The following PTCHD4 variants were observed in gnomAD, a reference collection of about 807,000 sequenced individuals.
The protein encoded by PTCHD4 is patched domain containing 4, also known as patched domain-containing protein 4.
PTCHD4 carries 33 observed loss-of-function variants against 58.1 expected under a neutral mutation model. That is an observed-to-expected ratio of 0.57 (90% CI 0.43 to 0.76). The LOEUF (loss-of-function observed/expected upper bound fraction) is 0.76. Among genes scored for constraint, PTCHD4 ranks in the 30% least tolerant of loss-of-function variants. The probability of loss-of-function intolerance (pLI) is 0.00; values close to 1 mark genes in which losing one functional copy is unlikely to be tolerated. For synonymous variants in PTCHD4, 478 were observed against 409.6 expected (o/e 1.17, Z -2.02); for missense variants, 1,058 against 1,027.1 (o/e 1.03, Z -0.41).
At chr6:48,004,903 C>G (rs868811779) in intron 4 of PTCHD4, among the ~76,000 whole-genome samples, 1 of 151,746 alleles carries the variant, frequency 6.6e-6, no homozygotes, top group Non-Finnish European at 1.5e-5. Flanking sequence ...GGTGACAGAG[C>G]GAGACTTCAT....
At chr6:47,949,850 T>A (rs976750325) in intron 4 of PTCHD4, among the ~76,000 whole-genome samples, 4 of 152,084 alleles carry the variant, frequency 2.6e-5, no homozygotes, top group Admixed American at 2.6e-4. Flanking sequence ...TGCTAACTAA[T>A]GCAGTAAGGA....
chr6:48,109,999 A>G (rs182466407), intron 1 of PTCHD4, among the ~76,000 whole-genome samples: 33 of 152,298 alleles, frequency 2.2e-4, no homozygotes, highest in African/African-American at 7.0e-4. Flanking sequence ...GAGCCCTTGT[A>G]TACAACTGTT....
chr6:47,970,329 A>C (rs1287327527), intron 4 of PTCHD4, among the ~76,000 whole-genome samples: 1 of 152,194 alleles, frequency 6.6e-6, no homozygotes, highest in Non-Finnish European at 1.5e-5. Flanking sequence ...CAAAGTGAGG[A>C]AATAGAAAGC....
At chr6:48,057,290 G>C (rs1207965308) in intron 3 of PTCHD4, among the ~76,000 whole-genome samples, 3 of 151,882 alleles carry the variant, frequency 2.0e-5, no homozygotes, top group Non-Finnish European at 4.4e-5. Context: ...TCTGTAGCCA[G>C]AGCTTGGACA....
chr6:48,107,860 T>C (rs2113920064), intron 1 of PTCHD4, among the ~76,000 whole-genome samples: 1 of 152,374 alleles, frequency 6.6e-6, no homozygotes, highest in Admixed American at 6.5e-5. Context: ...ATGTTCATCA[T>C]CACTGGCCAT....
intron 3 of PTCHD4, among the ~76,000 whole-genome samples, chr6:48,039,755 G>A (rs1004325238): frequency 6.6e-6 from 1 of 152,042 alleles, no homozygotes; most frequent in Non-Finnish European, 1.5e-5. Context: ...TTAGGCTTGA[G>A]TTTTTTCAGA....
intron 3 of PTCHD4, among the ~76,000 whole-genome samples, chr6:48,046,033 T>C (rs1370732228): frequency 2.0e-5 from 3 of 151,866 alleles, no homozygotes; most frequent in African/African-American, 7.2e-5. Context: ...CTTAACAATT[T>C]GTTGGAACTA....
intron 1 of PTCHD4, among the ~76,000 whole-genome samples, chr6:48,101,756 A>G (rs780505685): frequency 8.5e-5 from 13 of 152,170 alleles, no homozygotes; most frequent in Non-Finnish European, 1.6e-4. Context: ...TTTCCCTTGT[A>G]GGTCCTACTG....
chr6:47,878,528 G>A lies in PTCHD4; in HGVS notation c.2307C>T (p.Pro769=). The A allele has an allele frequency of 3.7e-6, 6 of 1,613,480 alleles. No homozygotes were observed. The highest frequency in any genetic ancestry group is 5.1e-6 in the Non-Finnish European group (6 of 1,179,712). Reference sequence around the variant, plus strand: ...TCAGGTTCGAAGGCACAAATAGAAGGGGGACTAACCCAATAAGAAAAGAAG... The same window carrying A: ...TCAGGTTCGAAGGCACAAATAGAAGAGGGACTAACCCAATAAGAAAAGAAG... ...NVTSFLIGLV[P]LLFVPSNLTF... Residue 769 remains proline, a synonymous_variant, in exon 5 of 5, where the codon CCC becomes CCT. Transcript: ENST00000339488.
At position 47,869,626 on chromosome 6, in the gene PTCHD4, T is replaced by C. The variant is rs989907572; in HGVS notation, c.*8677A>G. Among the ~76,000 whole-genome samples, 25 of 151,664 alleles carry C rather than the reference T, an allele frequency of 1.6e-4. No homozygotes were observed. Among genetic ancestry groups the C allele is most frequent in the African/African-American group, 6.0e-4 (25 of 41,370 alleles). On this transcript the variant is annotated 3_prime_UTR_variant, in exon 5 of 5. Coordinates refer to ENST00000339488, the MANE Select transcript of PTCHD4 (RefSeq NM_001384253.1). The stretch of plus-strand genomic sequence containing the variant: ...ATCTCTCAGGAATGCCAAGACATTT[T>C]GTATTTGCTTCAGAATGCTTTATCT...
chr6:47,980,344 A>G (rs1022149680), intron 4 of PTCHD4, among the ~76,000 whole-genome samples: 3 of 151,854 alleles, frequency 2.0e-5, no homozygotes, highest in African/African-American at 7.2e-5. Flanking sequence ...TCCACGTTGT[A>G]CTTGGATAGT....
intron 3 of PTCHD4, among the ~76,000 whole-genome samples, chr6:48,067,563 G>T (rs1764842410): frequency 6.6e-6 from 1 of 152,072 alleles, no homozygotes; most frequent in African/African-American, 2.4e-5. Flanking sequence ...ATAACTCACT[G>T]CTTTCAGACA....
chr6:47,887,386 G>A (rs543396729), intron 4 of PTCHD4, among the ~76,000 whole-genome samples: 2 of 151,752 alleles, frequency 1.3e-5, no homozygotes, highest in Non-Finnish European at 2.9e-5. Flanking sequence ...CCTATATTCA[G>A]CAATGGGTTT....
chr6:48,002,516 A>C (rs1220095512), intron 4 of PTCHD4, among the ~76,000 whole-genome samples: 1 of 151,134 alleles, frequency 6.6e-6, no homozygotes, highest in Admixed American at 6.6e-5. Flanking sequence ...AGGACAAAAA[A>C]CCATACACCG....
chr6:47,948,509 T>C (rs1190738992), intron 4 of PTCHD4, among the ~76,000 whole-genome samples: 1 of 152,166 alleles, frequency 6.6e-6, no homozygotes, highest in Non-Finnish European at 1.5e-5. Context: ...CAAATATACT[T>C]TTTTAGCTTA....
chr6:47,871,431 C>T lies in PTCHD4; in HGVS notation c.*6872G>A, dbSNP rs1233860575. On this transcript the variant is annotated 3_prime_UTR_variant, in exon 5 of 5. Coordinates refer to ENST00000339488, the MANE Select transcript of PTCHD4 (RefSeq NM_001384253.1). ...AGTTATTCACAGATTATTTGTGCAT[C>T]TTACTGGGTAGACTGCTGCCTCTAA... Among the ~76,000 whole-genome samples, 1 of 151,614 alleles carries T rather than the reference C, an allele frequency of 6.6e-6. No homozygotes were observed. Among genetic ancestry groups the T allele is most frequent in the African/African-American group, 2.4e-5 (1 of 41,370 alleles).
At chr6:48,101,440 AG>A (rs1296617915) in intron 1 of PTCHD4, among the ~76,000 whole-genome samples, 1 of 152,236 alleles carries the variant, frequency 6.6e-6, no homozygotes, top group Non-Finnish European at 1.5e-5. Context: ...TAACCATAAT[AG>A]GGGATGTTAA....
At chr6:48,004,321 T>C (rs995955632) in intron 4 of PTCHD4, among the ~76,000 whole-genome samples, 18 of 152,124 alleles carry the variant, frequency 1.2e-4, no homozygotes, top group African/African-American at 4.1e-4. Context: ...GAAGTGAGAC[T>C]TTTACACATA....
At chr6:47,958,878 G>T (rs138775507) in intron 4 of PTCHD4, among the ~76,000 whole-genome samples, 1 of 152,110 alleles carries the variant, frequency 6.6e-6, no homozygotes, top group African/African-American at 2.4e-5. Context: ...ATCAGTAGTC[G>T]GGAATGATTA....
Sources: allele counts gnomAD v4.1 joint callset (sites outside exome capture counted in the v4.1 genomes callset), GRCh38; gene constraint gnomAD v4.1.1; transcripts MANE v1.5; gene names NCBI Gene and HGNC (gene_info 2026-07-23, HGNC 2026-07-21).